Variants in FBXO42 observed in about 807,000 individuals in gnomAD.
FBXO42 encodes F-box protein 42, also known as F-box only protein 42.
FBXO42 carries 12 observed loss-of-function variants against 71.7 expected under a neutral mutation model. That is an observed-to-expected ratio of 0.17 (90% CI 0.11 to 0.27). FBXO42 has a LOEUF of 0.27. Among genes scored for constraint, FBXO42 ranks in the 10% least tolerant of loss-of-function variants. FBXO42 has a pLI of 1.00. For synonymous variants in FBXO42, 325 were observed against 327.5 expected, an observed-to-expected ratio of 0.99 and a Z score of 0.08; for missense variants, 707 against 911.9, an observed-to-expected ratio of 0.78 and a Z score of 2.89.
chr1:16,282,764 T>C (rs1311765586), intron 4 of FBXO42, among the ~76,000 whole-genome samples: 1 of 151,800 alleles, frequency 6.6e-6, no homozygotes, highest in Admixed American at 6.6e-5. Flanking sequence ...GCAGATCACC[T>C]GAGGTCAGGA....
chr1:16,323,404 C>T (rs192391390), intron 1 of FBXO42, among the ~76,000 whole-genome samples: 177 of 152,014 alleles, frequency 1.2e-3, no homozygotes, highest in African/African-American at 3.9e-3. Context: ...GGTGACAGTG[C>T]GAGACTCCGT....
Position 16,335,063 on chromosome 1 carries a change from C to CAAAAAAAAA in FBXO42, c.-18+17183_-18+17191dup, listed in dbSNP as rs55983316. Among the ~76,000 whole-genome samples, 31 of 69,018 alleles carry CAAAAAAAAA rather than the reference C, an allele frequency of 4.5e-4. 2 individuals carry two copies. The highest frequency in any genetic ancestry group is 7.1e-4 in the Non-Finnish European group (28 of 39,270). 45.3% of individuals were successfully genotyped at this position (69,018 alleles called of 152,430 possible). The stretch of plus-strand genomic sequence containing the variant: ...GCAACACAGCAAAACCTCGTCTGTA[C>CAAAAAAAAA]AAAAAAAAAAAAAAAAAAAAAAAAA... On this transcript the variant is annotated intron_variant, in intron 1 of 9. Transcript: ENST00000375592.
intron 4 of FBXO42, among the ~76,000 whole-genome samples, chr1:16,263,533 C>T (rs1370605963): frequency 6.6e-6 from 1 of 151,782 alleles, no homozygotes; most frequent in African/African-American, 2.4e-5. Context: ...ACCAGCCTGA[C>T]CAACATGGTG....
chr1:16,253,924 C>T (rs759776844), intron 6 of FBXO42, among the ~76,000 whole-genome samples, 193 bp from the exon 7 acceptor site: 1 of 152,182 alleles, frequency 6.6e-6, no homozygotes, highest in Non-Finnish European at 1.5e-5. Context: ...AGAAAGAGAC[C>T]ATGTTGCTGA....
chr1:16,291,117 AC>A (rs369876482), intron 4 of FBXO42, among the ~76,000 whole-genome samples: 11 of 152,300 alleles, frequency 7.2e-5, no homozygotes, highest in African/African-American at 2.4e-4. Flanking sequence ...ACCTTCCTGT[AC>A]ATACTCTGTT....
chr1:16,261,683 G>C (rs191828123), intron 4 of FBXO42, among the ~76,000 whole-genome samples: 18 of 151,144 alleles, frequency 1.2e-4, no homozygotes, highest in African/African-American at 3.9e-4. Context: ...GCAACCAGAA[G>C]TCAAGGATAC....
intron 7 of FBXO42, 144 bp from the exon 8 acceptor site, chr1:16,253,296 A>C: frequency 1.5e-6 from 1 of 660,524 alleles, no homozygotes. Context: ...TCCTAAAAAC[A>C]TATCAATTCT....
At position 16,251,554 on chromosome 1, in the gene FBXO42, G is replaced by T. The variant is rs141160805; in HGVS notation, c.1270C>A (p.Arg424=). Residue 424 remains arginine (R), a synonymous_variant, in exon 10 of 10, where the codon CGG becomes AGG. Coordinates refer to ENST00000375592, the MANE Select transcript of FBXO42 (RefSeq NM_018994.3). This position sits in a 1 kb window ranked among gnomAD's most constrained non-coding sequence, Gnocchi z 4.5. ...CTGGCTGGGGAAAGGCTCCCTTCCC[G>T]GGAACCTGAAGGAGTCTGCCTTTGA... is the stretch of plus-strand genomic sequence containing the variant. ...RAQRQTPSGS[R]EGSLSPARGD... The T allele has an allele frequency of 6.2e-7, 1 of 1,614,078 alleles. No homozygotes were observed. The highest frequency in any genetic ancestry group is 8.5e-7 in the Non-Finnish European group (1 of 1,180,002).
chr1:16,302,074 C>T lies in FBXO42; in HGVS notation c.367+3729G>A, dbSNP rs139808738. Among the ~76,000 whole-genome samples, 171 of 151,954 alleles carry T rather than the reference C, an allele frequency of 1.1e-3. 1 individual carries two copies. The highest frequency in any genetic ancestry group is 2.0e-3 in the Non-Finnish European group (134 of 67,982). On this transcript the variant is annotated intron_variant, in intron 3 of 9. Coordinates refer to ENST00000375592, the MANE Select transcript of FBXO42 (RefSeq NM_018994.3). ...GCCTCTCTCACACAGATAATAATGGCAAAAGACAGATGGTAATAAATAATG... is the reference window on the plus strand; with the variant it reads ...GCCTCTCTCACACAGATAATAATGGTAAAAGACAGATGGTAATAAATAATG...
In FBXO42 at chr1:16,283,494, G is replaced by GTTTTTTTT. The variant is rs386366300; in HGVS notation, c.502+11281_502+11288dup. Among the ~76,000 whole-genome samples, 255 of 80,972 alleles carry GTTTTTTTT rather than the reference G, an allele frequency of 3.1e-3. 18 individuals carry two copies. The highest frequency in any genetic ancestry group is 0.01 in the African/African-American group (229 of 22,474). 53.1% of individuals were successfully genotyped at this position (80,972 alleles called of 152,430 possible). On this transcript the variant is annotated intron_variant, in intron 4 of 9. Transcript: ENST00000375592. ...TTATAGACTCTTCTAACTGTGGCAA[G>GTTTTTTTT]TTTTTTTTTTTTTTTTTTTTTTTGA...
At chr1:16,340,701 T>A (rs1223726413) in intron 1 of FBXO42, among the ~76,000 whole-genome samples, 2 of 152,196 alleles carry the variant, frequency 1.3e-5, no homozygotes, top group Admixed American at 1.3e-4. Flanking sequence ...ATTTATAATT[T>A]TCTTACAATG....
In FBXO42 at chr1:16,305,809, A is replaced by G. The variant is rs2082244198; in HGVS notation, c.361T>C (p.Ser121Pro). 2 of 1,613,160 alleles carry G rather than the reference A, an allele frequency of 1.2e-6. No individual in the cohort carries two copies. The highest frequency in any genetic ancestry group is 8.5e-7 in the Non-Finnish European group (1 of 1,179,212). The part of the protein sequence containing the change: ...YPGTPITQRF[S>P]HSACYYDANQ... ...TTTCACAGTAAATACTTACTGTGCG[A>G]GAAGCGCTGAGTGATTGGGGTTCCA... Residue 121 changes from serine to proline, a missense_variant, in exon 3 of 10, where the codon TCG (serine) becomes CCG (proline). Ser to Pro is a moderately conservative substitution (Grantham distance 74). Transcript: ENST00000375592.
intron 4 of FBXO42, among the ~76,000 whole-genome samples, chr1:16,270,864 A>T (rs764724513): frequency 6.6e-6 from 1 of 151,516 alleles, no homozygotes; most frequent in Non-Finnish European, 1.5e-5. Flanking sequence ...AACAGACAAA[A>T]AGCCCTCAGC....
intron 3 of FBXO42, among the ~76,000 whole-genome samples, chr1:16,304,983 A>C (rs2082234588): frequency 6.6e-6 from 1 of 152,140 alleles, no homozygotes; most frequent in African/African-American, 2.4e-5. Flanking sequence ...GAAAAAGCAG[A>C]ATATAAAATT....
In FBXO42 at chr1:16,251,062, G is replaced by A. The variant is rs369006634; in HGVS notation, c.1762C>T (p.Pro588Ser). The change falls in exon 10 of 10, where the codon CCT becomes TCT. Residue 588 changes from proline to serine, a missense_variant. Physicochemically the swap from Pro to Ser is moderately conservative, Grantham distance 74 (BLOSUM62 -1). Transcript: ENST00000375592. This position sits in a 1 kb window ranked among gnomAD's most constrained non-coding sequence, Gnocchi z 4.5. The stretch of plus-strand genomic sequence containing the variant: ...CCACTGCTCAAACTCTGGCTCCCAG[G>A]AGAGCCTGGAGAAGACCCAAGAGGA... ...SPPLGSSPGSPGSQSLSSGET... is the reference protein window; with the variant it reads ...SPPLGSSPGSSGSQSLSSGET... The A allele has an allele frequency of 1.1e-5, 17 of 1,614,070 alleles. No homozygotes were observed. The African/African-American group carries it at 2.3e-4, about 22-fold the overall frequency.
chr1:16,292,579 GAGCCACTTCGCCT>G (rs1469595150), intron 4 of FBXO42: 1 of 151,954 alleles, frequency 6.6e-6, no homozygotes, highest in Non-Finnish European at 1.5e-5. Context: ...TTATAGGCGT[GAGCCACTTCGCCT>G]AGCCACAAAG....
chr1:16,319,249 C>G (rs992846371), intron 1 of FBXO42, among the ~76,000 whole-genome samples: 3 of 152,160 alleles, frequency 2.0e-5, no homozygotes, highest in Non-Finnish European at 4.4e-5. Flanking sequence ...CCGGGGAGAG[C>G]AGAGAACAGA....
chr1:16,252,572 T>A lies in FBXO42; in HGVS notation c.922-168A>T, dbSNP rs1305160185. 6.6e-6 allele frequency among the ~76,000 whole-genome samples: 1 copy of A among 152,236 alleles called. No homozygotes were observed. The highest frequency in any genetic ancestry group is 1.9e-4 in the East Asian group (1 of 5,202). On this transcript the variant is annotated intron_variant, in intron 8 of 9. Transcript: ENST00000375592. The surrounding 1 kb of genome is among the most constrained non-coding windows in gnomAD (Gnocchi z 4.4). ...ATTATTCAGTTGTGCATGCATCCAC[T>A]TACGCTTTCATTCATTCATATATTA...
Position 16,250,766 on chromosome 1 carries a change from A to T in FBXO42, c.2058T>A (p.Gly686=). ...TSLHTVVQGR[G]ELIIFGGLMD... ...TGAGTCCTCCAAATATGATGAGTTCACCCCTGCCTTGTACCACGGTATGCA... is the reference window on the plus strand; with the variant it reads ...TGAGTCCTCCAAATATGATGAGTTCTCCCCTGCCTTGTACCACGGTATGCA... The change falls in exon 10 of 10, where the codon GGT becomes GGA. Residue 686 remains glycine, a synonymous_variant. Coordinates refer to ENST00000375592, the MANE Select transcript of FBXO42 (RefSeq NM_018994.3). The surrounding 1 kb of genome is among the most constrained non-coding windows in gnomAD (Gnocchi z 4.7). The T allele has an allele frequency of 6.2e-7, 1 of 1,614,122 alleles. No individual in the cohort carries two copies. The highest frequency in any genetic ancestry group is 8.5e-7 in the Non-Finnish European group (1 of 1,180,034).
Sources: allele counts gnomAD v4.1 joint callset (sites outside exome capture counted in the v4.1 genomes callset), GRCh38; gene constraint gnomAD v4.1.1; non-coding constraint Gnocchi (gnomAD v3.1); transcripts MANE v1.5; gene names NCBI Gene and HGNC (gene_info 2026-07-23, HGNC 2026-07-21).